The following MAPK10 variants were observed in gnomAD, a reference collection of about 807,000 sequenced individuals.
The protein encoded by MAPK10 is mitogen-activated protein kinase 10.
MAPK10 carries 25 observed loss-of-function variants against 59.3 expected under a neutral mutation model. The observed-to-expected ratio is 0.42, with a 90% CI of 0.31 to 0.59. The LOEUF (loss-of-function observed/expected upper bound fraction) is 0.59, where lower values mean the gene tolerates loss of function less well. MAPK10 is among the 20% of genes least tolerant of loss of function. The probability of loss-of-function intolerance (pLI) is 0.15; values close to 1 mark genes in which losing one functional copy is unlikely to be tolerated. For synonymous variants in MAPK10, 190 were observed against 200.5 expected, an observed-to-expected ratio of 0.95 and a Z score of 0.44; for missense variants, 351 against 568.9, an observed-to-expected ratio of 0.62 and a Z score of 3.90.
Position 86,249,334 on chromosome 4 carries a change from TG to T in MAPK10, c.-6-54928del, listed in dbSNP as rs570932404. On this transcript the variant is annotated intron_variant, in intron 2 of 13. Transcript: ENST00000641462. ...AAGGCCAGTGTCTATGATTCTCCTG[TG>T]CAGATTCCTTCATCATCACAAGGCG... Among the ~76,000 whole-genome samples the T allele has an allele frequency of 2.0e-3, 307 of 152,320 alleles. 3 individuals are homozygous for T. Among genetic ancestry groups the T allele is most frequent in the East Asian group, 1.4e-3 (7 of 5,182 alleles).
At chr4:86,383,976 C>T (rs965055472) in intron 1 of MAPK10, 1 of 152,168 alleles carries the variant, frequency 6.6e-6, no homozygotes, top group African/African-American at 2.4e-5. Context: ...TCTTCGATCT[C>T]TCAGAAGACA....
chr4:86,057,587 G>A lies in MAPK10; in HGVS notation c.1110+6679C>T, dbSNP rs897502193. Among the ~76,000 whole-genome samples the A allele has an allele frequency of 4.0e-5, 6 of 149,872 alleles. 1 individual carries two copies. Among genetic ancestry groups the A allele is most frequent in the Non-Finnish European group, 8.9e-5 (6 of 67,548 alleles). On this transcript the variant is annotated intron_variant, in intron 11 of 13. Transcript: ENST00000641462. Reference sequence around the variant, plus strand: ...TAGAAACCTACCAAGAACAATAAAAGCAGGGACCTGTTTTTTTTTCATTTT... The same window carrying A: ...TAGAAACCTACCAAGAACAATAAAAACAGGGACCTGTTTTTTTTTCATTTT...
At chr4:86,178,086 A>AT (rs1484913646) in intron 3 of MAPK10, among the ~76,000 whole-genome samples, 5 of 152,010 alleles carry the variant, frequency 3.3e-5, no homozygotes, top group Non-Finnish European at 5.9e-5. Context: ...TAAGACTGCT[A>AT]TTTTTTTCTT....
At chr4:86,143,478 C>T (rs909784693) in intron 4 of MAPK10, among the ~76,000 whole-genome samples, 1 of 152,124 alleles carries the variant, frequency 6.6e-6, no homozygotes, top group Non-Finnish European at 1.5e-5. Flanking sequence ...TTGTCCTATT[C>T]CCTGGAACTA....
At chr4:86,498,539 C>A (rs1036049079) in intron 1 of MAPK10, among the ~76,000 whole-genome samples, 8 of 152,152 alleles carry the variant, frequency 5.3e-5, no homozygotes, top group Non-Finnish European at 8.8e-5. Context: ...CACACAGAAA[C>A]AAAGGAGACT....
At chr4:86,379,518 G>A (rs1053702708) in intron 1 of MAPK10, among the ~76,000 whole-genome samples, 5 of 152,232 alleles carry the variant, frequency 3.3e-5, no homozygotes, top group Middle Eastern at 3.4e-3. Flanking sequence ...TGACGCCCAC[G>A]CTGGAAGGTT....
chr4:86,103,075 CTGTGTGTGTGTGTGTGTG>C (rs10681488), intron 6 of MAPK10, 93 bp downstream of exon 6: 9 of 498,708 alleles, frequency 1.8e-5, no homozygotes, highest in African/African-American at 1.2e-4. Flanking sequence ...GATTTCAACT[CTGTGTGTGTGTGTGTGTG>C]TGTGTGTGTG....
intron 13 of MAPK10, among the ~76,000 whole-genome samples, chr4:86,021,569 C>T (rs1444824785): frequency 6.6e-6 from 1 of 152,260 alleles, no homozygotes; most frequent in Non-Finnish European, 1.5e-5. Flanking sequence ...ACCAGGGCTG[C>T]AGGTGGAGCT....
intron 11 of MAPK10, 72 bp from the exon 12 acceptor site, chr4:86,031,503 A>C: frequency 9.9e-7 from 1 of 1,010,486 alleles, no homozygotes; most frequent in Non-Finnish European, 1.6e-6. Flanking sequence ...AATGCACGAG[A>C]ATACCTTGCC....
At chr4:86,066,769 A>G (rs958474649) in intron 10 of MAPK10, among the ~76,000 whole-genome samples, 8 of 150,374 alleles carry the variant, frequency 5.3e-5, no homozygotes, top group African/African-American at 7.3e-5. Context: ...AAAAAAAAAA[A>G]AAAAAAGAAA....
chr4:86,387,177 C>T (rs1741570899), intron 1 of MAPK10, among the ~76,000 whole-genome samples: 1 of 152,076 alleles, frequency 6.6e-6, no homozygotes, highest in Non-Finnish European at 1.5e-5. Flanking sequence ...CGGAGGGGCA[C>T]AGGGAGCTGG....
intron 1 of MAPK10, among the ~76,000 whole-genome samples, chr4:86,404,958 C>T (rs756707445): frequency 5.9e-5 from 9 of 152,162 alleles, no homozygotes; most frequent in Non-Finnish European, 1.2e-4. Context: ...GTGATATTAT[C>T]TACTTCACAG....
At chr4:86,508,199 T>C (rs971817466) in intron 1 of MAPK10, among the ~76,000 whole-genome samples, 6 of 152,182 alleles carry the variant, frequency 3.9e-5, no homozygotes, top group Admixed American at 1.3e-4. Flanking sequence ...TTCGCATTAA[T>C]GGTGTCAGCA....
At chr4:86,137,142 C>G (rs1408612798) in intron 4 of MAPK10, among the ~76,000 whole-genome samples, 1 of 151,254 alleles carries the variant, frequency 6.6e-6, no homozygotes. Flanking sequence ...AGAAGGTCAA[C>G]AAGGATACCC....
chr4:86,388,502 C>T (rs1741798870), intron 1 of MAPK10, among the ~76,000 whole-genome samples: 1 of 152,108 alleles, frequency 6.6e-6, no homozygotes, highest in Admixed American at 6.6e-5. Flanking sequence ...CATAAGATGA[C>T]TTTTATTTAC....
At chr4:86,261,978 CA>C (rs1443759076) in intron 2 of MAPK10, among the ~76,000 whole-genome samples, 1 of 152,216 alleles carries the variant, frequency 6.6e-6, no homozygotes, top group Non-Finnish European at 1.5e-5. Context: ...TGCTTCTAAG[CA>C]AATTTGATGC....
chr4:86,283,819 G>A (rs1446693638), intron 2 of MAPK10, among the ~76,000 whole-genome samples: 5 of 152,116 alleles, frequency 3.3e-5, no homozygotes, highest in African/African-American at 9.7e-5. Context: ...TTCTATTCTT[G>A]TATATAAAGT....
chr4:86,562,688 C>G (rs942135439), intron 1 of MAPK10, among the ~76,000 whole-genome samples: 4 of 151,964 alleles, frequency 2.6e-5, no homozygotes, highest in Admixed American at 6.6e-5. Flanking sequence ...GGACAAGACC[C>G]TGTCTCAAAA....
chr4:86,515,374 T>C (rs1489632485), intron 1 of MAPK10, among the ~76,000 whole-genome samples: 1 of 152,240 alleles, frequency 6.6e-6, no homozygotes, highest in Non-Finnish European at 1.5e-5. Context: ...CTGGATCAAA[T>C]TGTAGTTCTA....
Sources: allele counts gnomAD v4.1 joint callset (sites outside exome capture counted in the v4.1 genomes callset), GRCh38; gene constraint gnomAD v4.1.1; transcripts MANE v1.5; gene names NCBI Gene and HGNC (gene_info 2026-07-23, HGNC 2026-07-21).